IGDCC3: variants seen among roughly 807,000 people sequenced by gnomAD.
IGDCC3 encodes the protein putative neuronal cell adhesion molecule.
IGDCC3 carries 47 observed loss-of-function variants against 72.0 expected under a neutral mutation model. The ratio of observed to expected loss-of-function variants is 0.65; its 90% CI spans 0.52 to 0.83. The LOEUF (loss-of-function observed/expected upper bound fraction) is 0.83, where lower values mean the gene tolerates loss of function less well. IGDCC3 is among the 40% of genes least tolerant of loss of function. IGDCC3 has a pLI of 0.00. For missense variants in IGDCC3, 1,038 were observed against 1,091.3 expected (o/e 0.95, Z 0.69); for synonymous variants, 477 against 472.8 (o/e 1.01, Z -0.11).
intron 2 of IGDCC3, among the ~76,000 whole-genome samples, chr15:65,358,864 C>T (rs532820220): frequency 2.6e-5 from 4 of 152,298 alleles, no homozygotes; most frequent in Admixed American, 2.6e-4. Context: ...CTCGCTCTGT[C>T]ACCCAGGCTG....
At chr15:65,355,047 G>A (rs2091205104) in intron 2 of IGDCC3, among the ~76,000 whole-genome samples, 1 of 152,198 alleles carries the variant, frequency 6.6e-6, no homozygotes, top group African/African-American at 2.4e-5. Flanking sequence ...CCGGACCAGG[G>A]CAGAAACTCA....
At chr15:65,330,794 T>TCTA in intron 9 of IGDCC3, 53 bp from the exon 10 acceptor site, 1 of 1,085,846 alleles carries the variant, frequency 9.2e-7, no homozygotes, top group South Asian at 2.0e-5. Context: ...AGCTCTATCT[T>TCTA]TCTACCTTCC....
intron 9 of IGDCC3, 96 bp from the exon 10 acceptor site, chr15:65,330,837 CCCTCTGG>C: frequency 8.5e-7 from 1 of 1,181,488 alleles, no homozygotes; most frequent in Non-Finnish European, 1.2e-6. Context: ...AGCCTGACAG[CCCTCTGG>C]CCTCTGGCCA....
Position 65,329,531 on chromosome 15 carries a change from G to T in IGDCC3, c.2064C>A (p.Asp688Glu). The T allele has an allele frequency of 6.2e-7, 1 of 1,607,346 alleles. No homozygotes were observed. Among genetic ancestry groups the T allele is most frequent in the Non-Finnish European group, 8.5e-7 (1 of 1,178,302 alleles). Residue 688 changes from aspartate (D) to glutamate (E), a missense_variant, in exon 13 of 14, where the codon GAC becomes GAA. By Grantham distance (45) the Asp-to-Glu change is conservative (BLOSUM62 2). Coordinates refer to ENST00000327987, the MANE Select transcript of IGDCC3 (RefSeq NM_004884.4). This position sits in a 1 kb window ranked among gnomAD's most constrained non-coding sequence, Gnocchi z 4.1. Reference sequence around the variant, plus strand: ...CCCCATTTAGGGCTAGAATGCCAGGGTCCCTCTGGCTCCGGGGACCCTGTG... The same window carrying T: ...CCCCATTTAGGGCTAGAATGCCAGGTTCCCTCTGGCTCCGGGGACCCTGTG... Reference protein sequence around the residue: ...SPPQGPRSQRDPGILALNGAR... With the variant: ...SPPQGPRSQREPGILALNGAR...
chr15:65,366,226 A>AC (rs2140168021), intron 2 of IGDCC3, among the ~76,000 whole-genome samples: 1 of 151,230 alleles, frequency 6.6e-6, no homozygotes, highest in East Asian at 1.9e-4. Context: ...AAAAAAAAAA[A>AC]AAACTAGCTG....
chr15:65,361,331 A>G (rs1355858649), intron 2 of IGDCC3, among the ~76,000 whole-genome samples: 1 of 151,684 alleles, frequency 6.6e-6, no homozygotes, highest in African/African-American at 2.4e-5. Context: ...AGTCCCAGGT[A>G]CTTGGGAGGC....
rs1567060566 is a variant in IGDCC3, at chr15:65,331,632, AG to A, written c.1175del (p.Pro392LeufsTer24). On this transcript the variant is annotated frameshift_variant, in exon 8 of 14. Transcript: ENST00000327987. LOFTEE classifies it high-confidence loss of function. ...NSTLTISGIGPEDEAIYQCVA... is the reference protein window; with the variant it reads ...NSTLTISGIGXEDEAIYQCVA... ...CACACTGATAAATGGCTTCATCCTC[AG>A]GACCGATTCCAGAAATGGTCAGTGT... The A allele has an allele frequency of 6.2e-7, 1 of 1,610,026 alleles. No homozygotes were observed. Among genetic ancestry groups the A allele is most frequent in the Non-Finnish European group, 8.5e-7 (1 of 1,177,272 alleles).
At chr15:65,330,840 T>G (rs561613907) in intron 9 of IGDCC3, 99 bp from the exon 10 acceptor site, 7 of 1,138,506 alleles carry the variant, frequency 6.1e-6, no homozygotes, top group African/African-American at 3.1e-5. Context: ...CTGACAGCCC[T>G]CTGGCCTCTG....
rs777924236 is a variant in IGDCC3 at position 65,375,376 on chromosome 15, A to G, written c.130T>C (p.Phe44Leu). ...ACATCATCACTTGGCTCCACAGCAA[A>G]TGCCAGTTCAGCAGAGTGGCCAAGA... ...EGLGHSAELA[F>L]AVEPSDDVAV... The change falls in exon 2 of 14, where the codon TTT becomes CTT. Residue 44 changes from phenylalanine (F) to leucine (L), a missense_variant. Physicochemically the swap from Phe to Leu is conservative, Grantham distance 22 (BLOSUM62 0). Coordinates refer to ENST00000327987, the MANE Select transcript of IGDCC3 (RefSeq NM_004884.4). 16 of 1,605,624 alleles carry G rather than the reference A, an allele frequency of 1.0e-5. No individual in the cohort carries two copies. Among genetic ancestry groups the G allele is most frequent in the African/African-American group, 1.3e-5 (1 of 74,790 alleles).
At chr15:65,351,840 TGTGCCACAGAA>T (rs1233505766) in intron 2 of IGDCC3, among the ~76,000 whole-genome samples, 3 of 152,364 alleles carry the variant, frequency 2.0e-5, no homozygotes, top group South Asian at 2.1e-4. Flanking sequence ...TAACATTTTG[TGTGCCACAGAA>T]GTGACCAAAT....
At chr15:65,363,537 C>T (rs1344717972) in intron 2 of IGDCC3, among the ~76,000 whole-genome samples, 1 of 152,216 alleles carries the variant, frequency 6.6e-6, no homozygotes, top group Non-Finnish European at 1.5e-5. Flanking sequence ...TTCCACAAGG[C>T]TGTAGGCCAC....
intron 2 of IGDCC3, among the ~76,000 whole-genome samples, chr15:65,362,387 A>G (rs2091267203): frequency 6.6e-6 from 1 of 152,160 alleles, no homozygotes. Flanking sequence ...ACAGGTAGGC[A>G]TCATGGTGTC....
At chr15:65,368,155 TTCAC>T (rs1326520500) in intron 2 of IGDCC3, among the ~76,000 whole-genome samples, 1 of 69,450 alleles carries the variant, frequency 1.4e-5, no homozygotes. Context: ...CTCTCTCTCT[TTCAC>T]TCACACACAC....
Position 65,333,240 on chromosome 15 carries a change from G to A in IGDCC3, c.982+17C>T, listed in dbSNP as rs779940974. 3.1e-6 allele frequency: 5 copies of A among 1,588,350 alleles called. No homozygotes were observed. The South Asian group carries it at 3.4e-5, about 11-fold the overall frequency. On this transcript the variant is annotated intron_variant, in intron 6 of 13. Coordinates refer to ENST00000327987, the MANE Select transcript of IGDCC3 (RefSeq NM_004884.4). ...CGGAGATCCCTGCCCTCCTCCTCAG[G>A]GTTGGCTGATCCATACCTTGCACCA... is the stretch of plus-strand genomic sequence containing the variant.
At chr15:65,353,186 C>G (rs1168781735) in intron 2 of IGDCC3, among the ~76,000 whole-genome samples, 1 of 151,366 alleles carries the variant, frequency 6.6e-6, no homozygotes, top group African/African-American at 2.4e-5. Context: ...ACAGGACAAG[C>G]GTACTTTTTT....
chr15:65,331,099 C>A lies in IGDCC3; in HGVS notation c.1512G>T (p.Arg504Ser). 6.2e-7 allele frequency: 1 copy of A among 1,614,142 alleles called. No individual in the cohort carries two copies. The highest frequency in any genetic ancestry group is 2.2e-5 in the East Asian group (1 of 44,876). The change falls in exon 9 of 14, where the codon AGG becomes AGT. Residue 504 changes from arginine to serine, a missense_variant. Arg to Ser is a moderately radical substitution (Grantham distance 110). Transcript: ENST00000327987. ...TGGGCACAGAGGCTGAGCTGGCCCC[C>A]CTTGGTGTGTAGGCCTTGATGTAGA... ...YSFYIKAYTPRGASSASVPTL... is the reference protein window; with the variant it reads ...YSFYIKAYTPSGASSASVPTL...
intron 2 of IGDCC3, among the ~76,000 whole-genome samples, chr15:65,347,344 G>A (rs1458044556): frequency 2.0e-5 from 3 of 152,220 alleles, no homozygotes; most frequent in Non-Finnish European, 4.4e-5. Flanking sequence ...GATTCCCTCT[G>A]GGACCTTTTG....
At chr15:65,375,978 A>G (rs2091356539) in intron 1 of IGDCC3, among the ~76,000 whole-genome samples, 1 of 152,242 alleles carries the variant, frequency 6.6e-6, no homozygotes, top group Non-Finnish European at 1.5e-5. Context: ...AGAGGGAGAT[A>G]GTAATAAATC....
At chr15:65,338,216 A>C (rs1240018443) in intron 2 of IGDCC3, among the ~76,000 whole-genome samples, 1 of 152,008 alleles carries the variant, frequency 6.6e-6, no homozygotes, top group Admixed American at 6.6e-5. Context: ...ACTTAAGCCC[A>C]CCTCCTGCTC....
Sources: allele counts gnomAD v4.1 joint callset (sites outside exome capture counted in the v4.1 genomes callset), GRCh38; gene constraint gnomAD v4.1.1; non-coding constraint Gnocchi (gnomAD v3.1); transcripts MANE v1.5; gene names NCBI Gene and HGNC (gene_info 2026-07-23, HGNC 2026-07-21).